Variants in PAK1 observed in about 807,000 individuals in gnomAD.
The protein encoded by PAK1 is p21 (RAC1) activated kinase 1.
In PAK1, 29 loss-of-function variants were observed where a neutral mutation model predicts 67.4. The observed-to-expected ratio is 0.43, with a 90% CI of 0.32 to 0.59. PAK1 has a LOEUF of 0.59. Ranked by LOEUF, PAK1 falls within the 20% of genes least tolerant of loss-of-function variation. The pLI is 0.07. For missense variants in PAK1, 337 were observed against 670.7 expected (o/e 0.50, Z 5.50); for synonymous variants, 223 against 237.4 (o/e 0.94, Z 0.56).
At chr11:77,434,241 C>A (rs1454621285) in intron 1 of PAK1, among the ~76,000 whole-genome samples, 1 of 152,060 alleles carries the variant, frequency 6.6e-6, no homozygotes, top group East Asian at 1.9e-4. Context: ...ACCCAAATAT[C>A]CATGAACTGA....
intron 9 of PAK1, chr11:77,347,112 C>G (rs773494627): frequency 2.2e-6 from 1 of 455,862 alleles, no homozygotes; most frequent in South Asian, 1.6e-5. Flanking sequence ...CCTGACCACA[C>G]TGCATTAGCC....
chr11:77,361,542 T>C (rs1208745848), intron 5 of PAK1, among the ~76,000 whole-genome samples: 1 of 152,058 alleles, frequency 6.6e-6, no homozygotes, highest in Non-Finnish European at 1.5e-5. Context: ...GGACTGTGAG[T>C]AGAACAGTGA....
intron 1 of PAK1, among the ~76,000 whole-genome samples, chr11:77,400,805 T>G (rs1952572808): frequency 6.6e-6 from 1 of 152,264 alleles, no homozygotes; most frequent in Admixed American, 6.5e-5. Flanking sequence ...ATTTTTCTCA[T>G]TCATCAGTGC....
intron 5 of PAK1, among the ~76,000 whole-genome samples, chr11:77,372,377 G>C (rs577557650): frequency 4.5e-4 from 69 of 152,264 alleles, no homozygotes; most frequent in Non-Finnish European, 8.2e-4. Flanking sequence ...TTCCATTTCA[G>C]TTTTATCATC....
chr11:77,414,638 A>G (rs1168674274), intron 1 of PAK1, among the ~76,000 whole-genome samples: 2 of 152,260 alleles, frequency 1.3e-5, no homozygotes, highest in Non-Finnish European at 1.5e-5. Flanking sequence ...AGGAAATTCA[A>G]TGAAGAAAGG....
chr11:77,337,462 A>T, intron 11 of PAK1, 39 bp from the exon 12 acceptor site: 1 of 993,124 alleles, frequency 1.0e-6, no homozygotes, highest in Non-Finnish European at 1.6e-6. Flanking sequence ...AAGAAAGGAC[A>T]TACATATAAT....
the PAK1 span, among the ~76,000 whole-genome samples, chr11:77,510,894 C>T: frequency 1.2e-3 from 189 of 152,308 alleles, 1 homozygote; most frequent in African/African-American, 4.4e-3. Context: ...TGAGTGATCT[C>T]CCCTTCCTCC....
intron 11 of PAK1, among the ~76,000 whole-genome samples, chr11:77,338,148 T>C (rs540234583): frequency 1.3e-5 from 2 of 152,312 alleles, no homozygotes; most frequent in East Asian, 3.9e-4. Flanking sequence ...CCATTGACTA[T>C]ATAATTCTGG....
chr11:77,444,350 C>T (rs1956500064), intron 1 of PAK1, among the ~76,000 whole-genome samples: 1 of 149,422 alleles, frequency 6.7e-6, no homozygotes, highest in Admixed American at 6.7e-5. Context: ...CCAAATTTAA[C>T]TTATTTGGTC....
At chr11:77,480,609 C>T in the PAK1 span, among the ~76,000 whole-genome samples, 34 of 151,418 alleles carry the variant, frequency 2.2e-4, no homozygotes, top group African/African-American at 7.3e-4. Flanking sequence ...CTGCAACCTC[C>T]GCCTCCCAGG....
At chr11:77,356,490 A>C (rs547932658) in intron 6 of PAK1, among the ~76,000 whole-genome samples, 7 of 151,960 alleles carry the variant, frequency 4.6e-5, no homozygotes, top group Non-Finnish European at 8.8e-5. Context: ...TTAAATCCCA[A>C]CTCTTATTAT....
At chr11:77,498,400 T>C in the PAK1 span, among the ~76,000 whole-genome samples, 1 of 152,232 alleles carries the variant, frequency 6.6e-6, no homozygotes, top group Non-Finnish European at 1.5e-5. Flanking sequence ...ACACTTCCAG[T>C]GTGATGTCTG....
intron 2 of PAK1, among the ~76,000 whole-genome samples, chr11:77,382,613 A>C (rs1440186798): frequency 6.6e-6 from 1 of 152,178 alleles, no homozygotes; most frequent in Non-Finnish European, 1.5e-5. Flanking sequence ...AAGCTTCTTG[A>C]GGACCAAAAT....
chr11:77,352,513 T>C (rs1471723008), intron 8 of PAK1, among the ~76,000 whole-genome samples: 3 of 152,122 alleles, frequency 2.0e-5, no homozygotes, highest in South Asian at 2.1e-4. Flanking sequence ...CACAATTACT[T>C]TGTTTTTTAA....
rs756515446 is a variant in PAK1 at position 77,355,846 on chromosome 11, CATTA to C, written c.598-8_598-5del. The C allele has an allele frequency of 2.3e-5, 37 of 1,612,080 alleles. No homozygotes were observed. Among genetic ancestry groups the C allele is most frequent in the Non-Finnish European group, 3.1e-5 (37 of 1,178,792 alleles). ...CAATCACAGACCGTGTGTATACCTG[CATTA>C]TTAGTGCAAAATTTTGGCAAGACCA... is the stretch of plus-strand genomic sequence containing the variant. On this transcript the variant is annotated splice_polypyrimidine_tract_variant and splice_region_variant and intron_variant, in intron 6 of 14. Transcript: ENST00000356341.
intron 1 of PAK1, among the ~76,000 whole-genome samples, chr11:77,467,401 C>T (rs1210120688): frequency 6.6e-6 from 1 of 152,180 alleles, no homozygotes; most frequent in Non-Finnish European, 1.5e-5. Context: ...AGGGTAGAGG[C>T]TATGATTCAT....
the PAK1 span, among the ~76,000 whole-genome samples, chr11:77,499,388 C>G: frequency 6.6e-6 from 1 of 152,160 alleles, no homozygotes; most frequent in Non-Finnish European, 1.5e-5. Flanking sequence ...GGTGCATAGT[C>G]TCTTCCACAT....
In PAK1 at chr11:77,412,095, C is replaced by T. The variant is rs150820235; in HGVS notation, c.-21-19554G>A. 8.7e-3 allele frequency: 1,332 copies of T among 152,404 alleles called. 18 individuals are homozygous for T. Among genetic ancestry groups the T allele is most frequent in the Middle Eastern group, 0.034 (10 of 294 alleles). The allele number at this position is 152,404 out of a possible 1,614,324, so 9.4% of individuals were successfully genotyped here. A position where few individuals can be genotyped will look rare whatever the true frequency, so the allele number is the denominator to read the frequency against. On this transcript the variant is annotated intron_variant, in intron 1 of 14. Coordinates refer to ENST00000356341, the MANE Select transcript of PAK1 (RefSeq NM_002576.5). ...GAGGGCGGGGAGACAGCTATCTTCC[C>T]ACCCTCTCAGCTATTCTCCCCACCC...
intron 6 of PAK1, among the ~76,000 whole-genome samples, chr11:77,358,470 T>C (rs2136574408): frequency 6.6e-6 from 1 of 152,312 alleles, no homozygotes; most frequent in Admixed American, 6.5e-5. Flanking sequence ...CTCTTGGGTC[T>C]TTCAATATTA....
Sources: gnomAD v4.1 joint callset for allele counts (sites outside exome capture counted in the v4.1 genomes callset) on GRCh38, gnomAD v4.1.1 for gene constraint, MANE v1.5 for transcripts, NCBI Gene and HGNC (gene_info 2026-07-23, HGNC 2026-07-21) for gene names.